The following IGF1 variants were observed in gnomAD, a reference collection of about 807,000 sequenced individuals.
IGF1 encodes insulin-like growth factor 1.
A neutral mutation model predicts 13.8 loss-of-function variants in IGF1; 4 were observed. The ratio of observed to expected loss-of-function variants is 0.29; its 90% CI spans 0.14 to 0.66. The LOEUF (loss-of-function observed/expected upper bound fraction) is 0.66. Ranked by LOEUF, IGF1 falls within the 30% of genes least tolerant of loss-of-function variation. The pLI is 0.78. For missense variants in IGF1, 124 were observed against 188.5 expected (o/e 0.66, Z 2.00); for synonymous variants, 76 against 72.6 (o/e 1.05, Z -0.23).
At chr12:102,410,017 C>T (rs1391609865) in intron 3 of IGF1, among the ~76,000 whole-genome samples, 15 of 152,144 alleles carry the variant, frequency 9.9e-5, no homozygotes. Flanking sequence ...GGACTTACAG[C>T]TCTGTTTTCT....
chr12:102,433,545 T>A (rs1876931874), intron 2 of IGF1, among the ~76,000 whole-genome samples: 1 of 152,224 alleles, frequency 6.6e-6, no homozygotes, highest in South Asian at 2.1e-4. Context: ...ACTTTATGTA[T>A]CATAAACAAG....
chr12:102,481,562 T>C (rs1173935320), upstream of IGF1: 2 of 152,236 alleles, frequency 1.3e-5, no homozygotes, highest in African/African-American at 4.8e-5. Flanking sequence ...CTATTTATAA[T>C]GTACACTTGC....
chr12:102,407,252 G>A (rs533248234), intron 3 of IGF1, among the ~76,000 whole-genome samples: 28 of 152,098 alleles, frequency 1.8e-4, no homozygotes, highest in South Asian at 4.2e-4. Flanking sequence ...GAGGTGATGC[G>A]GTGTTATTCC....
Position 102,454,076 on chromosome 12 carries a change from A to T in IGF1, c.220+21567T>A, listed in dbSNP as rs545452372. On this transcript the variant is annotated intron_variant, in intron 2 of 3. Coordinates refer to ENST00000337514, the MANE Select transcript of IGF1 (RefSeq NM_000618.5). ...TTGCACTGCTCTGCACTAGCCTAAC[A>T]CCCAAACAACTGGCTGGATGTCTCA... Among the ~76,000 whole-genome samples the T allele has an allele frequency of 8.5e-5, 13 of 152,222 alleles. No homozygotes were observed. The South Asian group carries it at 2.7e-3, about 32-fold the overall frequency.
intron 2 of IGF1, among the ~76,000 whole-genome samples, chr12:102,449,863 A>G (rs1034855406): frequency 5.3e-5 from 8 of 152,038 alleles, no homozygotes; most frequent in African/African-American, 1.9e-4. Context: ...GCCTTGTCAT[A>G]TTATATTCAC....
At chr12:102,438,865 C>T (rs1415515375) in intron 2 of IGF1, among the ~76,000 whole-genome samples, 9 of 152,156 alleles carry the variant, frequency 5.9e-5, no homozygotes, top group Non-Finnish European at 1.5e-5. Context: ...CTCCCCCATC[C>T]AATCCATCAA....
At chr12:102,432,063 C>CACTTTATCTTAA (rs1876786770) in intron 2 of IGF1, among the ~76,000 whole-genome samples, 1 of 152,190 alleles carries the variant, frequency 6.6e-6, no homozygotes, top group Non-Finnish European at 1.5e-5. Context: ...CCCAGCAAAT[C>CACTTTATCTTAA]ACTTTATCTT....
chr12:102,451,985 G>A (rs1426248026), intron 2 of IGF1, among the ~76,000 whole-genome samples: 4 of 152,168 alleles, frequency 2.6e-5, no homozygotes, highest in East Asian at 1.9e-4. Flanking sequence ...TACTTCGGCC[G>A]GGCGCGGTGG....
intron 3 of IGF1, among the ~76,000 whole-genome samples, chr12:102,407,094 C>CAAAAAAAAAAAAAAAAA (rs57468885): frequency 5.0e-5 from 5 of 100,982 alleles, no homozygotes; most frequent in Non-Finnish European, 7.5e-5. Context: ...ACTCTGTCTC[C>CAAAAAAAAAAAAAAAAA]AAAAAAAAAA....
intron 2 of IGF1, chr12:102,462,943 T>C (rs1473701110): frequency 6.6e-6 from 1 of 152,192 alleles, no homozygotes; most frequent in East Asian, 1.9e-4. Context: ...GAAAATGGTT[T>C]CAATATGATC....
At chr12:102,442,780 G>C (rs547006489) in intron 2 of IGF1, among the ~76,000 whole-genome samples, 1 of 152,228 alleles carries the variant, frequency 6.6e-6, no homozygotes, top group Admixed American at 6.5e-5. Context: ...CAGGAACTTT[G>C]TTAATGTTTT....
intron 2 of IGF1, among the ~76,000 whole-genome samples, chr12:102,429,308 C>T (rs866915670): frequency 6.6e-5 from 10 of 152,120 alleles, no homozygotes; most frequent in African/African-American, 1.9e-4. Context: ...TTAAACATGA[C>T]CATGAAACTG....
chr12:102,470,109 G>A lies in IGF1; in HGVS notation c.220+5534C>T, dbSNP rs1029827472. On this transcript the variant is annotated intron_variant, in intron 2 of 3. Coordinates refer to ENST00000337514, the MANE Select transcript of IGF1 (RefSeq NM_000618.5). Reference sequence around the variant, plus strand: ...ATAGCTCACATATGTGGTGCTTACTGTGTGCCAGGCAATATTCTAAGTTAA... The same window carrying A: ...ATAGCTCACATATGTGGTGCTTACTATGTGCCAGGCAATATTCTAAGTTAA... 5.9e-5 allele frequency among the ~76,000 whole-genome samples: 9 copies of A among 152,284 alleles called. No individual in the cohort carries two copies. In the South Asian group the frequency reaches 6.2e-4, roughly 11 times the overall value.
intron 2 of IGF1, among the ~76,000 whole-genome samples, chr12:102,471,452 A>G (rs1880682398): frequency 6.6e-6 from 1 of 152,190 alleles, no homozygotes; most frequent in African/African-American, 2.4e-5. Flanking sequence ...CAAAGGAAAG[A>G]AGCTTGACTT....
intron 1 of IGF1, chr12:102,478,640 A>T: frequency 6.9e-7 from 1 of 1,452,588 alleles, no homozygotes; most frequent in African/African-American, 1.4e-5. Flanking sequence ...TTGGACACCC[A>T]GGCAGGTATG....
At chr12:102,448,606 G>A (rs193083548) in intron 2 of IGF1, among the ~76,000 whole-genome samples, 3,401 of 146,842 alleles carry the variant, frequency 0.023, 63 homozygotes, top group African/African-American at 0.033. Context: ...ACATTAGTGG[G>A]TGCAGCGTAC....
At chr12:102,446,160 C>T (rs531241787) in intron 2 of IGF1, among the ~76,000 whole-genome samples, 2 of 152,290 alleles carry the variant, frequency 1.3e-5, no homozygotes, top group Admixed American at 1.3e-4. Flanking sequence ...TGATGTTCAT[C>T]AGGGATATTG....
chr12:102,415,271 TCCATC>T, intron 3 of IGF1, among the ~76,000 whole-genome samples: 1 of 151,570 alleles, frequency 6.6e-6, no homozygotes, highest in Non-Finnish European at 1.5e-5. Flanking sequence ...CATCCATCCA[TCCATC>T]CATCCATCCA....
In IGF1 at chr12:102,397,364, A is replaced by G. The variant is rs1873300186; in HGVS notation, c.*5143T>C. On this transcript the variant is annotated 3_prime_UTR_variant, in exon 4 of 4. Transcript: ENST00000337514. ...ATGGGGGCAGAATAAAGACAGCTTC[A>G]AAAATCCCCTGGGCCTCTGTCTTAT... 6.6e-6 allele frequency: 1 copy of G among 152,234 alleles called. No individual in the cohort carries two copies. Among genetic ancestry groups the G allele is most frequent in the Admixed American group, 6.5e-5 (1 of 15,268 alleles). 9.4% of individuals were successfully genotyped at this position (152,234 alleles called of 1,614,324 possible). A position where few individuals can be genotyped will look rare whatever the true frequency, so the allele number is the denominator to read the frequency against.
Sources: gnomAD v4.1 joint callset for allele counts (sites outside exome capture counted in the v4.1 genomes callset) on GRCh38, gnomAD v4.1.1 for gene constraint, MANE v1.5 for transcripts, NCBI Gene and HGNC (gene_info 2026-07-23, HGNC 2026-07-21) for gene names.